The following PPFIA1 variants were observed in gnomAD, a reference collection of about 807,000 sequenced individuals.
The protein encoded by PPFIA1 is liprin-alpha-1.
PPFIA1 carries 25 observed loss-of-function variants against 149.9 expected under a neutral mutation model. The ratio of observed to expected loss-of-function variants is 0.17; its 90% CI spans 0.12 to 0.23. The LOEUF is 0.23. Among genes scored for constraint, PPFIA1 ranks in the 10% least tolerant of loss-of-function variants. PPFIA1 has a pLI of 1.00. For missense variants in PPFIA1, 1,362 were observed against 1,506.5 expected, an observed-to-expected ratio of 0.90 and a Z score of 1.59; for synonymous variants, 549 against 552.8, an observed-to-expected ratio of 0.99 and a Z score of 0.10.
intron 2 of PPFIA1, among the ~76,000 whole-genome samples, chr11:70,299,712 C>G (rs2052344535): frequency 6.6e-6 from 1 of 152,088 alleles, no homozygotes; most frequent in East Asian, 1.9e-4. Context: ...TCGCTCTTGG[C>G]CCCTCTGCTC....
intron 26 of PPFIA1, 86 bp downstream of exon 26, chr11:70,378,281 C>A: frequency 6.7e-7 from 1 of 1,497,370 alleles, no homozygotes; most frequent in South Asian, 1.5e-5. Flanking sequence ...CTAAAACGGC[C>A]TATTTAATAT....
At chr11:70,297,273 G>C (rs1373063239) in intron 2 of PPFIA1, among the ~76,000 whole-genome samples, 1 of 152,110 alleles carries the variant, frequency 6.6e-6, no homozygotes, top group Non-Finnish European at 1.5e-5. Flanking sequence ...TTTGGGCGTG[G>C]TGGTGCGTGC....
chr11:70,362,472 C>T lies in PPFIA1; in HGVS notation c.2849C>T (p.Pro950Leu), dbSNP rs201742446. The change falls in exon 21 of 28, where the codon CCG becomes CTG. Residue 950 changes from proline to leucine, a missense_variant. By Grantham distance (98) the Pro-to-Leu change is moderately conservative. Around this residue, in one of 7 missense-constraint regions of PPFIA1, gnomAD observed 349 missense variants for 373.3 expected, o/e 0.93. Coordinates refer to ENST00000253925, the MANE Select transcript of PPFIA1 (RefSeq NM_003626.5). Reference protein sequence around the residue: ...EIMSLTSPSAPPTSRTTLAYG... With the variant: ...EIMSLTSPSALPTSRTTLAYG... The stretch of plus-strand genomic sequence containing the variant: ...ATGTCGCTGACCAGCCCGTCTGCCC[C>T]GCCCACATCTAGAACGGTACGTTCA... 16 of 1,612,980 alleles carry T rather than the reference C, an allele frequency of 9.9e-6. No individual in the cohort carries two copies. Among genetic ancestry groups the T allele is most frequent in the Admixed American group, 6.7e-5 (4 of 59,974 alleles).
In PPFIA1 at chr11:70,301,848, C is replaced by T. The variant is rs535512582; in HGVS notation, c.265-22554C>T. ...GCTCTCGTCAGACTGCTTTGCCAGACGCAGTACGCAGCACATGAATGTTTC... is the reference window on the plus strand; with the variant it reads ...GCTCTCGTCAGACTGCTTTGCCAGATGCAGTACGCAGCACATGAATGTTTC... On this transcript the variant is annotated intron_variant, in intron 2 of 27. Transcript: ENST00000253925. 1.4e-4 allele frequency among the ~76,000 whole-genome samples: 22 copies of T among 152,320 alleles called. No homozygotes were observed. The South Asian group carries it at 3.5e-3, about 24-fold the overall frequency.
At chr11:70,342,721 T>C (rs2055410353) in intron 14 of PPFIA1, among the ~76,000 whole-genome samples, 1 of 152,162 alleles carries the variant, frequency 6.6e-6, no homozygotes, top group South Asian at 2.1e-4. Context: ...CTTTTTTATT[T>C]CTGTAACTTT....
At chr11:70,330,470 TC>T (rs1211284856) in intron 8 of PPFIA1, 151 bp downstream of exon 8, 1 of 624,018 alleles carries the variant, frequency 1.6e-6, no homozygotes, top group Admixed American at 4.2e-5. Flanking sequence ...GGGAGTTCCT[TC>T]AGTTTAGAGG....
chr11:70,332,901 C>A, intron 9 of PPFIA1: 1 of 400,058 alleles, frequency 2.5e-6, no homozygotes, highest in South Asian at 1.8e-5. Context: ...CACACCTGTT[C>A]CTTCTAGCAA....
chr11:70,333,002 G>T (rs533109254), intron 9 of PPFIA1: 47 of 455,966 alleles, frequency 1.0e-4, no homozygotes, highest in African/African-American at 9.2e-4. Context: ...TATCTTTCCT[G>T]TCCCTTGTCG....
chr11:70,354,241 T>C, intron 16 of PPFIA1, 60 bp from the exon 17 acceptor site: 2 of 1,515,168 alleles, frequency 1.3e-6, no homozygotes, highest in Non-Finnish European at 1.8e-6. Flanking sequence ...GGCTATAATT[T>C]AAGGCCTGAG....
intron 16 of PPFIA1, among the ~76,000 whole-genome samples, chr11:70,352,027 G>A (rs1047157896): frequency 2.6e-5 from 4 of 152,150 alleles, no homozygotes; most frequent in Non-Finnish European, 5.9e-5. Context: ...TCATGCTCTG[G>A]TCTGTATTCT....
intron 2 of PPFIA1, among the ~76,000 whole-genome samples, chr11:70,272,647 C>T (rs1291286271): frequency 1.3e-5 from 2 of 152,066 alleles, no homozygotes; most frequent in Admixed American, 1.3e-4. Context: ...GTGAAAATAC[C>T]TCATTATTTT....
At chr11:70,333,117 C>T (rs1385462882) in intron 9 of PPFIA1, 2 of 473,132 alleles carry the variant, frequency 4.2e-6, no homozygotes, top group African/African-American at 3.9e-5. Context: ...TGCACTGCTC[C>T]TTGCTTGTGC....
intron 2 of PPFIA1, among the ~76,000 whole-genome samples, chr11:70,307,710 A>G (rs897140615): frequency 1.3e-5 from 2 of 152,204 alleles, no homozygotes; most frequent in African/African-American, 4.8e-5. Flanking sequence ...CCCTTGAGCC[A>G]GGAGTTCAAG....
At chr11:70,286,984 TAC>T (rs57213147) in intron 2 of PPFIA1, among the ~76,000 whole-genome samples, 40,055 of 147,472 alleles carry the variant, frequency 0.27, 6,053 homozygotes, top group African/African-American at 0.42. Flanking sequence ...TATATGCACA[TAC>T]ACACACACAC....
At chr11:70,298,901 T>C (rs1042595969) in intron 2 of PPFIA1, among the ~76,000 whole-genome samples, 3 of 152,226 alleles carry the variant, frequency 2.0e-5, no homozygotes, top group Non-Finnish European at 4.4e-5. Context: ...GATACAGTTA[T>C]TCTGTCATCA....
At chr11:70,337,713 G>C (rs1024145051) in intron 12 of PPFIA1, among the ~76,000 whole-genome samples, 6 of 152,142 alleles carry the variant, frequency 3.9e-5, no homozygotes, top group South Asian at 2.1e-4. Context: ...AATATAATAT[G>C]AGCTGCATAT....
chr11:70,301,629 A>AT (rs1026997906), intron 2 of PPFIA1, among the ~76,000 whole-genome samples: 23 of 152,116 alleles, frequency 1.5e-4, no homozygotes, highest in African/African-American at 5.6e-4. Context: ...CCTTAGAAAT[A>AT]TTTTTTTGTT....
chr11:70,382,359 C>T (rs746982812), intron 27 of PPFIA1, among the ~76,000 whole-genome samples: 35 of 152,000 alleles, frequency 2.3e-4, no homozygotes, highest in Non-Finnish European at 4.4e-4. Context: ...TTAGTGTGTC[C>T]TCTTTTTTTA....
At chr11:70,342,107 T>G (rs1249022566) in intron 14 of PPFIA1, 1 of 152,568 alleles carries the variant, frequency 6.6e-6, no homozygotes, top group African/African-American at 2.4e-5. Flanking sequence ...GGGCAGGGAC[T>G]GGGGAAGGGC....
Sources: gnomAD v4.1 joint callset for allele counts (sites outside exome capture counted in the v4.1 genomes callset) on GRCh38, gnomAD v4.1.1 for gene constraint, gnomAD v4.1.1 regional missense constraint, MANE v1.5 for transcripts, NCBI Gene and HGNC (gene_info 2026-07-23, HGNC 2026-07-21) for gene names.